Variants in PRKN observed in about 807,000 individuals in gnomAD.
The protein encoded by PRKN is E3 ubiquitin-protein ligase parkin.
Under a neutral mutation model 59.5 loss-of-function variants are expected in PRKN, and 56 were observed. The observed-to-expected ratio is 0.94, with a 90% CI of 0.76 to 1.18. The LOEUF (loss-of-function observed/expected upper bound fraction) is 1.18, where lower values mean the gene tolerates loss of function less well. Among genes scored for constraint, PRKN ranks in the 50% most tolerant of loss-of-function variants. PRKN has a pLI of 0.00. For missense variants in PRKN, 657 were observed against 596.4 expected, an observed-to-expected ratio of 1.10 and a Z score of -1.06; for synonymous variants, 250 against 222.1, an observed-to-expected ratio of 1.13 and a Z score of -1.12.
chr6:161,885,534 GGGCC>G (rs1795110111), intron 6 of PRKN, among the ~76,000 whole-genome samples: 2 of 151,878 alleles, frequency 1.3e-5, no homozygotes, highest in South Asian at 4.2e-4. Flanking sequence ...GCGTGGTGGC[GGGCC>G]CCTGTAGTCC....
chr6:162,486,945 C>G (rs1466407552), intron 1 of PRKN, among the ~76,000 whole-genome samples: 1 of 151,988 alleles, frequency 6.6e-6, no homozygotes, highest in Admixed American at 6.6e-5. Flanking sequence ...TAGTGCATAC[C>G]TGTAATCACA....
chr6:162,408,251 G>C (rs1046259651), intron 2 of PRKN, among the ~76,000 whole-genome samples: 2 of 151,614 alleles, frequency 1.3e-5, no homozygotes, highest in Non-Finnish European at 2.9e-5. Context: ...TCAGAAAAAG[G>C]TAATATGCAA....
chr6:162,285,778 AT>A (rs1331699461), intron 2 of PRKN, among the ~76,000 whole-genome samples: 2 of 152,134 alleles, frequency 1.3e-5, no homozygotes, highest in Non-Finnish European at 2.9e-5. Context: ...GGCTACACTG[AT>A]TCCTTTTATC....
At chr6:161,881,358 T>C (rs1030643710) in intron 6 of PRKN, among the ~76,000 whole-genome samples, 1 of 152,150 alleles carries the variant, frequency 6.6e-6, no homozygotes, top group African/African-American at 2.4e-5. Context: ...GTGGGAATTA[T>C]GTGTAAACTA....
intron 5 of PRKN, among the ~76,000 whole-genome samples, chr6:162,032,029 T>C (rs1457921366): frequency 6.6e-6 from 1 of 152,208 alleles, no homozygotes; most frequent in African/African-American, 2.4e-5. Context: ...GCCTTTGTAC[T>C]CATGGATAAA....
chr6:161,441,515 C>T (rs1431460755), intron 9 of PRKN, among the ~76,000 whole-genome samples: 5 of 152,040 alleles, frequency 3.3e-5, no homozygotes, highest in South Asian at 4.2e-4. Context: ...CGTGGTGGCA[C>T]GTGCCTGTGA....
chr6:161,795,933 A>C (rs1790828892), intron 6 of PRKN, among the ~76,000 whole-genome samples: 1 of 152,210 alleles, frequency 6.6e-6, no homozygotes, highest in African/African-American at 2.4e-5. Flanking sequence ...CTGTCTTCTC[A>C]GGCTTTATTA....
chr6:161,687,377 A>T (rs1192060910), intron 7 of PRKN, among the ~76,000 whole-genome samples: 2 of 106,912 alleles, frequency 1.9e-5, no homozygotes, highest in East Asian at 2.9e-4. Context: ...AGACAGAGAG[A>T]GACTCCATCT....
At chr6:162,145,072 T>C (rs984557286) in intron 4 of PRKN, among the ~76,000 whole-genome samples, 5 of 152,208 alleles carry the variant, frequency 3.3e-5, no homozygotes, top group African/African-American at 1.2e-4. Flanking sequence ...AAATCCCTGA[T>C]GACTTCCTGT....
intron 1 of PRKN, among the ~76,000 whole-genome samples, chr6:162,533,745 C>T (rs1237318374): frequency 3.3e-5 from 5 of 151,536 alleles, no homozygotes; most frequent in Non-Finnish European, 5.9e-5. Context: ...CCGAGGCGGG[C>T]GGATCACCTG....
Position 161,468,299 on chromosome 6 carries a change from C to CA in PRKN, c.1083+80554dup, listed in dbSNP as rs11455156. Among the ~76,000 whole-genome samples the CA allele has an allele frequency of 0.016, 2,348 of 146,048 alleles. 56 individuals carry two copies. The highest frequency in any genetic ancestry group is 0.048 in the African/African-American group (1,898 of 39,920). On this transcript the variant is annotated intron_variant, in intron 9 of 11. Coordinates refer to ENST00000366898, the MANE Select transcript of PRKN (RefSeq NM_004562.3). The surrounding 1 kb of genome is among the most constrained non-coding windows in gnomAD (Gnocchi z 5.9). The stretch of plus-strand genomic sequence containing the variant: ...CTTACCCTATACTTTAAAACAAAAA[C>CA]AAAAAAAAAACAGCCAAACCTAATC...
intron 7 of PRKN, among the ~76,000 whole-genome samples, chr6:161,778,289 C>T (rs1790045875): frequency 1.3e-5 from 2 of 151,958 alleles, no homozygotes; most frequent in South Asian, 4.2e-4. Context: ...ACATATTTAC[C>T]AATAAATCTA....
At chr6:162,641,486 G>A (rs1777956633) in intron 1 of PRKN, among the ~76,000 whole-genome samples, 2 of 151,938 alleles carry the variant, frequency 1.3e-5, no homozygotes, top group African/African-American at 2.4e-5. Flanking sequence ...TTTAATCAAC[G>A]TGGCAAACAG....
intron 4 of PRKN, among the ~76,000 whole-genome samples, chr6:162,070,577 G>A (rs1778534172): frequency 6.6e-6 from 1 of 152,052 alleles, no homozygotes; most frequent in South Asian, 2.1e-4. Context: ...TAGAGCAGTG[G>A]CCCCCAATCT....
intron 3 of PRKN, among the ~76,000 whole-genome samples, chr6:162,259,666 G>T (rs1286227937): frequency 6.6e-6 from 1 of 152,212 alleles, no homozygotes; most frequent in Non-Finnish European, 1.5e-5. Context: ...TTGAAGAGAT[G>T]AAATCTCAAT....
rs1386080542 is a variant in PRKN at position 161,551,761 on chromosome 6, T to C, written c.934-2758A>G. On this transcript the variant is annotated intron_variant, in intron 8 of 11. Transcript: ENST00000366898. This position sits in a 1 kb window ranked among gnomAD's most constrained non-coding sequence, Gnocchi z 5.2. ...TCGGGGAGGCCATTGGATAGGACTC[T>C]GGGGTTGTAAAGGATTTTCGAAAAT... 6.6e-6 allele frequency among the ~76,000 whole-genome samples: 1 copy of C among 152,108 alleles called. No individual in the cohort carries two copies. The highest frequency in any genetic ancestry group is 2.1e-4 in the South Asian group (1 of 4,824).
chr6:162,249,584 G>A (rs1779340810), intron 3 of PRKN, among the ~76,000 whole-genome samples: 1 of 152,112 alleles, frequency 6.6e-6, no homozygotes, highest in Non-Finnish European at 1.5e-5. Context: ...TGGAGAGAAT[G>A]TCTTGGAATT....
In PRKN at chr6:161,502,027, C is replaced by T. The variant is rs1288727796; in HGVS notation, c.1083+46827G>A. Among the ~76,000 whole-genome samples, 1 of 152,162 alleles carries T rather than the reference C, an allele frequency of 6.6e-6. No individual in the cohort carries two copies. The highest frequency in any genetic ancestry group is 2.4e-5 in the African/African-American group (1 of 41,444). ...AAGTCTGCATGTCTTAGTTATCAGC[C>T]ATGTGAGAAGGAATACCTGGATCAC... On this transcript the variant is annotated intron_variant, in intron 9 of 11. Transcript: ENST00000366898. The surrounding 1 kb of genome is among the most constrained non-coding windows in gnomAD (Gnocchi z 4.0).
chr6:162,001,109 T>C (rs1285990017), intron 5 of PRKN, among the ~76,000 whole-genome samples: 1 of 152,056 alleles, frequency 6.6e-6, no homozygotes, highest in African/African-American at 2.4e-5. Flanking sequence ...TCTATTTCAA[T>C]ACTGCAATGG....
Sources: gnomAD v4.1 joint callset for allele counts (sites outside exome capture counted in the v4.1 genomes callset) on GRCh38, gnomAD v4.1.1 for gene constraint, Gnocchi (gnomAD v3.1) non-coding constraint, MANE v1.5 for transcripts, NCBI Gene and HGNC (gene_info 2026-07-23, HGNC 2026-07-21) for gene names.